CRMP1: variants seen among roughly 807,000 people sequenced by gnomAD.
CRMP1 encodes collapsin response mediator protein 1.
Under a neutral mutation model 68.3 loss-of-function variants are expected in CRMP1, and 19 were observed. That is an observed-to-expected ratio of 0.28 (90% CI 0.19 to 0.41). The LOEUF (loss-of-function observed/expected upper bound fraction) is 0.41. CRMP1 is among the 10% of genes least tolerant of loss of function. The probability of loss-of-function intolerance (pLI) is 1.00; values close to 1 mark genes in which losing one functional copy is unlikely to be tolerated. For missense variants in CRMP1, 791 were observed against 967.4 expected, an observed-to-expected ratio of 0.82 and a Z score of 2.42; for synonymous variants, 439 against 399.6, an observed-to-expected ratio of 1.10 and a Z score of -1.18.
intron 2 of CRMP1, among the ~76,000 whole-genome samples, chr4:5,864,610 T>C (rs1055375437): frequency 6.6e-6 from 1 of 152,118 alleles, no homozygotes; most frequent in Non-Finnish European, 1.5e-5. Context: ...CAAGGAGCGA[T>C]GCAGTGTGAC....
Position 5,865,387 on chromosome 4 carries a change from C to T in CRMP1, c.470+1281G>A, listed in dbSNP as rs1209486310. 2.0e-5 allele frequency among the ~76,000 whole-genome samples: 3 copies of T among 151,934 alleles called. No individual in the cohort carries two copies. Among genetic ancestry groups the T allele is most frequent in the South Asian group, 2.1e-4 (1 of 4,808 alleles). ...CTGTAATCCCAGCACTTTGGGAGGC[C>T]GAGGCGAGCGGATCACGAGGTCAGG... On this transcript the variant is annotated intron_variant, in intron 2 of 13. Coordinates refer to ENST00000324989, the MANE Select transcript of CRMP1 (RefSeq NM_001014809.3). The surrounding 1 kb of genome is among the most constrained non-coding windows in gnomAD (Gnocchi z 4.1).
rs1229500446 is a variant in CRMP1, at chr4:5,825,971, CAA to C, written c.1804-314_1804-313del. ...ACATATATGCATGCACATGCAGTAA[CAA>C]AACAGGCCTACACAGTAGCATACAC... is the stretch of plus-strand genomic sequence containing the variant. On this transcript the variant is annotated intron_variant, in intron 12 of 13. Transcript: ENST00000324989. This position sits in a 1 kb window ranked among gnomAD's most constrained non-coding sequence, Gnocchi z 4.4. The C allele has an allele frequency of 2.6e-6, 1 of 391,112 alleles. No homozygotes were observed. The highest frequency in any genetic ancestry group is 2.4e-5 in the African/African-American group (1 of 42,506). The allele number at this position is 391,112 out of a possible 1,614,324, so 24.2% of individuals were successfully genotyped here.
rs1178618266 is a variant in CRMP1, at chr4:5,891,494, T to G, written c.381+1095A>C. On this transcript the variant is annotated intron_variant, in intron 1 of 13. Coordinates refer to ENST00000324989, the MANE Select transcript of CRMP1 (RefSeq NM_001014809.3). The surrounding 1 kb of genome is among the most constrained non-coding windows in gnomAD (Gnocchi z 5.2). ...AAGTCAACAACAAACATTTATTGAA[T>G]GCTCACTACCGACCGGCATTAACTG... Among the ~76,000 whole-genome samples, 1 of 152,218 alleles carries G rather than the reference T, an allele frequency of 6.6e-6. No individual in the cohort carries two copies. The highest frequency in any genetic ancestry group is 1.5e-5 in the Non-Finnish European group (1 of 68,038).
intron 13 of CRMP1, among the ~76,000 whole-genome samples, chr4:5,822,376 G>A (rs542110457): frequency 1.3e-5 from 2 of 152,100 alleles, no homozygotes; most frequent in African/African-American, 2.4e-5. Flanking sequence ...ACACTCCAAA[G>A]GTATTTTACA....
rs1388973548 is a variant in CRMP1, at chr4:5,883,722, T to A, written c.381+8867A>T. On this transcript the variant is annotated intron_variant, in intron 1 of 13. Coordinates refer to ENST00000324989, the MANE Select transcript of CRMP1 (RefSeq NM_001014809.3). The surrounding 1 kb of genome is among the most constrained non-coding windows in gnomAD (Gnocchi z 4.5). ...CTGCTGGTTAGCTACCATTCTGAAT[T>A]TTCATTTCCTCAAAGACACAGCCTG... 1.3e-5 allele frequency among the ~76,000 whole-genome samples: 2 copies of A among 151,918 alleles called. No homozygotes were observed. Among genetic ancestry groups the A allele is most frequent in the East Asian group, 3.9e-4 (2 of 5,172 alleles).
In CRMP1 at chr4:5,893,009, C is replaced by A. The variant is rs970399642; in HGVS notation, c.-40G>T. ...GGCCACCCACCGCGCTCCCGCCTGC[C>A]CGCCCGCGGCCCTGGGCACCGCCGT... On this transcript the variant is annotated 5_prime_UTR_variant, in exon 1 of 14. Coordinates refer to ENST00000324989, the MANE Select transcript of CRMP1 (RefSeq NM_001014809.3). The A allele has an allele frequency of 4.4e-6, 5 of 1,133,038 alleles. No homozygotes were observed. In the African/African-American group the frequency reaches 5.0e-5, roughly 11 times the overall value. 70.2% of individuals were successfully genotyped at this position (1,133,038 alleles called of 1,614,324 possible).
intron 3 of CRMP1, among the ~76,000 whole-genome samples, chr4:5,857,481 A>G (rs920427718): frequency 2.0e-5 from 3 of 151,834 alleles, no homozygotes; most frequent in African/African-American, 7.3e-5. Flanking sequence ...TTCAGTCTTC[A>G]TTACCACCAT....
chr4:5,842,353 C>G lies in CRMP1; in HGVS notation c.1032+740G>C, dbSNP rs924859255. Reference sequence around the variant, plus strand: ...CTGAGGCAGGAGAGTCACTTGAACCCAGGAAGCGGAGGCTGCAGTGAACCG... The same window carrying G: ...CTGAGGCAGGAGAGTCACTTGAACCGAGGAAGCGGAGGCTGCAGTGAACCG... On this transcript the variant is annotated intron_variant, in intron 7 of 13. Coordinates refer to ENST00000324989, the MANE Select transcript of CRMP1 (RefSeq NM_001014809.3). This position sits in a 1 kb window ranked among gnomAD's most constrained non-coding sequence, Gnocchi z 4.5. 3.3e-5 allele frequency among the ~76,000 whole-genome samples: 5 copies of G among 150,182 alleles called. No homozygotes were observed. Among genetic ancestry groups the G allele is most frequent in the Non-Finnish European group, 3.0e-5 (2 of 67,750 alleles).
intron 1 of CRMP1, among the ~76,000 whole-genome samples, chr4:5,885,069 T>G (rs1715484423): frequency 6.6e-6 from 1 of 151,838 alleles, no homozygotes; most frequent in South Asian, 2.1e-4. Flanking sequence ...GTGTTTCTGC[T>G]TTTTTGCTCT....
At position 5,872,256 on chromosome 4, in the gene CRMP1, G is replaced by A. The variant is rs999221544; in HGVS notation, c.382-5500C>T. Among the ~76,000 whole-genome samples, 1 of 151,872 alleles carries A rather than the reference G, an allele frequency of 6.6e-6. No individual in the cohort carries two copies. Among genetic ancestry groups the A allele is most frequent in the Non-Finnish European group, 1.5e-5 (1 of 67,992 alleles). On this transcript the variant is annotated intron_variant, in intron 1 of 13. Transcript: ENST00000324989. This position sits in a 1 kb window ranked among gnomAD's most constrained non-coding sequence, Gnocchi z 4.6. Reference sequence around the variant, plus strand: ...AAAAAGTAAATGTTACATAATATATGTTTTTAAAATTAATAACACCAAATT... The same window carrying A: ...AAAAAGTAAATGTTACATAATATATATTTTTAAAATTAATAACACCAAATT...
chr4:5,888,793 G>A lies in CRMP1; in HGVS notation c.381+3796C>T, dbSNP rs973579014. Among the ~76,000 whole-genome samples, 18 of 152,064 alleles carry A rather than the reference G, an allele frequency of 1.2e-4. No homozygotes were observed. The highest frequency in any genetic ancestry group is 3.6e-4 in the African/African-American group (15 of 41,506). ...CGGGCGGCGCCACAGGTGTGTGGCC[G>A]CGCGTCTGGAGGCCTCCCCGGAACA... is the stretch of plus-strand genomic sequence containing the variant. On this transcript the variant is annotated intron_variant, in intron 1 of 13. Coordinates refer to ENST00000324989, the MANE Select transcript of CRMP1 (RefSeq NM_001014809.3). The surrounding 1 kb of genome is among the most constrained non-coding windows in gnomAD (Gnocchi z 6.4).
intron 11 of CRMP1, among the ~76,000 whole-genome samples, chr4:5,829,885 T>C (rs1560486135): frequency 1.3e-5 from 2 of 152,350 alleles, no homozygotes; most frequent in East Asian, 3.9e-4. Flanking sequence ...TGTTTCTAGA[T>C]GTGGAGTTGG....
intron 6 of CRMP1, among the ~76,000 whole-genome samples, chr4:5,848,948 A>C (rs1377330929): frequency 6.6e-6 from 1 of 152,228 alleles, no homozygotes; most frequent in African/African-American, 2.4e-5. Context: ...TTGTGCATTA[A>C]GTTTTCAACA....
In CRMP1 at chr4:5,883,715, T is replaced by C. The variant is rs1427058602; in HGVS notation, c.381+8874A>G. 6.6e-6 allele frequency among the ~76,000 whole-genome samples: 1 copy of C among 151,824 alleles called. No individual in the cohort carries two copies. Among genetic ancestry groups the C allele is most frequent in the African/African-American group, 2.4e-5 (1 of 41,224 alleles). On this transcript the variant is annotated intron_variant, in intron 1 of 13. Transcript: ENST00000324989. This position sits in a 1 kb window ranked among gnomAD's most constrained non-coding sequence, Gnocchi z 4.5. ...ACCACACCTGCTGGTTAGCTACCAT[T>C]CTGAATTTTCATTTCCTCAAAGACA...
chr4:5,825,121 C>G lies in CRMP1; in HGVS notation c.1969+373G>C. 1.0e-6 allele frequency: 1 copy of G among 985,432 alleles called. No individual in the cohort carries two copies. 61.0% of individuals were successfully genotyped at this position (985,432 alleles called of 1,614,324 possible). A position where few individuals can be genotyped will look rare whatever the true frequency, so the allele number is the denominator to read the frequency against. On this transcript the variant is annotated intron_variant, in intron 13 of 13. Transcript: ENST00000324989. This position sits in a 1 kb window ranked among gnomAD's most constrained non-coding sequence, Gnocchi z 4.4. ...ACAGGCTAAAGACTTACACAGAGCACATGCCCTGCAAATGGCAGCTACTCC... is the reference window on the plus strand; with the variant it reads ...ACAGGCTAAAGACTTACACAGAGCAGATGCCCTGCAAATGGCAGCTACTCC...
chr4:5,846,757 A>ATTTTTT (rs71171490), intron 6 of CRMP1, among the ~76,000 whole-genome samples: 1 of 53,742 alleles, frequency 1.9e-5, no homozygotes, highest in African/African-American at 1.1e-4. Context: ...TGCCCGGCTA[A>ATTTTTT]TTTTTTTTTT....
rs1361013728 is a variant in CRMP1 at position 5,849,365 on chromosome 4, G to C, written c.963+27C>G. ...CAACAAGGAGAATCAGACTGAGGTA[G>C]AAGGAGTGGAAATTCTTGCCACTCA... On this transcript the variant is annotated intron_variant, in intron 6 of 13. Coordinates refer to ENST00000324989, the MANE Select transcript of CRMP1 (RefSeq NM_001014809.3). 3.2e-6 allele frequency: 5 copies of C among 1,565,602 alleles called. No individual in the cohort carries two copies. The South Asian group carries it at 4.5e-5, about 14-fold the overall frequency.
intron 11 of CRMP1, among the ~76,000 whole-genome samples, chr4:5,831,669 C>CTTTG (rs1451491059): frequency 6.6e-6 from 1 of 152,286 alleles, no homozygotes; most frequent in East Asian, 1.9e-4. Flanking sequence ...GGGTGAGGAA[C>CTTTG]GTGCTGTGCT....
At chr4:5,828,317 T>G in intron 12 of CRMP1, 172 bp downstream of exon 12, 1 of 984,948 alleles carries the variant, frequency 1.0e-6, no homozygotes, top group African/African-American at 1.7e-5. Context: ...TGCTCACTCC[T>G]GTCCTCAGAC....
Sources: gnomAD v4.1 joint callset for allele counts (sites outside exome capture counted in the v4.1 genomes callset) on GRCh38, gnomAD v4.1.1 for gene constraint, Gnocchi (gnomAD v3.1) non-coding constraint, MANE v1.5 for transcripts, NCBI Gene and HGNC (gene_info 2026-07-23, HGNC 2026-07-21) for gene names.